MYO9B: variants seen among roughly 807,000 people sequenced by gnomAD.
The protein encoded by MYO9B is unconventional myosin-IXb.
MYO9B carries 71 observed loss-of-function variants against 229.5 expected under a neutral mutation model. The observed-to-expected ratio is 0.31, with a 90% CI of 0.26 to 0.38. MYO9B has a LOEUF of 0.38. Among genes scored for constraint, MYO9B ranks in the 10% least tolerant of loss-of-function variants. The pLI is 1.00. For synonymous variants in MYO9B, 1,185 were observed against 1,235.8 expected (o/e 0.96, Z 0.86); for missense variants, 2,255 against 2,920.5 (o/e 0.77, Z 5.25).
intron 2 of MYO9B, among the ~76,000 whole-genome samples, chr19:17,108,074 A>T (rs1459418356): frequency 6.6e-6 from 1 of 152,052 alleles, no homozygotes; most frequent in Non-Finnish European, 1.5e-5. Flanking sequence ...TCCTCCCCGG[A>T]TGCCAGCAAA....
intron 14 of MYO9B, among the ~76,000 whole-genome samples, chr19:17,178,720 G>A (rs113233504): frequency 1.1e-3 from 170 of 152,152 alleles, no homozygotes; most frequent in African/African-American, 4.0e-3. Context: ...GTGCTTTGAG[G>A]GTAATTATCC....
chr19:17,208,463 A>T (rs189474600), intron 35 of MYO9B, among the ~76,000 whole-genome samples: 1 of 146,962 alleles, frequency 6.8e-6, no homozygotes, highest in African/African-American at 2.5e-5. Flanking sequence ...ACGGAGTCTC[A>T]CTCTGTCTCC....
intron 6 of MYO9B, 89 bp downstream of exon 6, chr19:17,154,504 A>G: frequency 3.0e-6 from 3 of 984,004 alleles, no homozygotes; most frequent in Non-Finnish European, 4.5e-6. Context: ...CTAACCTGCA[A>G]CCCAGTGAAA....
chr19:17,191,159 C>G lies in MYO9B; in HGVS notation c.2751C>G (p.Ile917Met). 2 of 1,612,434 alleles carry G rather than the reference C, an allele frequency of 1.2e-6. No homozygotes were observed. The highest frequency in any genetic ancestry group is 1.7e-6 in the Non-Finnish European group (2 of 1,179,134). Residue 917 changes from isoleucine to methionine, a missense_variant, in exon 20 of 40, where the codon ATC becomes ATG. This residue lies in a region of MYO9B where 679 missense variants were observed against 770.2 expected (regional missense o/e 0.88). Coordinates refer to ENST00000682292, the MANE Select transcript of MYO9B (RefSeq NM_004145.4). ...PKDAQPCREV[I>M]STLLEKMKID... ...ATGCCCAGCCCTGCAGGGAGGTCAT[C>G]TCCACCCTCCTGGAGAAAATGAAGA...
At position 17,087,141 on chromosome 19, in the gene MYO9B, A is replaced by C. The variant is rs527792926; in HGVS notation, c.-59+11267A>C. ...CATTTGTTAACCATATGTTGAAAGA[A>C]GGCAGCCTCCTCTGAAACATCAGCA... On this transcript the variant is annotated intron_variant, in intron 1 of 39. Transcript: ENST00000682292. Among the ~76,000 whole-genome samples the C allele has an allele frequency of 7.2e-5, 11 of 152,304 alleles. No individual in the cohort carries two copies. The South Asian group carries it at 2.3e-3, about 32-fold the overall frequency.
At chr19:17,076,503 C>T (rs923082633) in intron 1 of MYO9B, among the ~76,000 whole-genome samples, 2 of 151,924 alleles carry the variant, frequency 1.3e-5, no homozygotes, top group East Asian at 1.9e-4. Flanking sequence ...AGGGAGGGCC[C>T]GGAGAGGAGG....
chr19:17,090,055 C>A (rs951284813), intron 1 of MYO9B, among the ~76,000 whole-genome samples: 2 of 146,270 alleles, frequency 1.4e-5, no homozygotes, highest in African/African-American at 5.1e-5. Context: ...TGTCTGACTT[C>A]TCTCACTCAG....
intron 2 of MYO9B, among the ~76,000 whole-genome samples, chr19:17,119,845 T>C (rs2145120255): frequency 1.3e-5 from 2 of 152,230 alleles, no homozygotes; most frequent in South Asian, 4.1e-4. Context: ...AGATGGGGTT[T>C]CACCATGTTA....
chr19:17,138,956 G>C lies in MYO9B; in HGVS notation c.841-6441G>C, dbSNP rs905728564. ...GGAGGCCAAGGCAGGTGGATCATCT[G>C]AGGTCAGGAGTTCAAGACCAGCCTG... On this transcript the variant is annotated intron_variant, in intron 2 of 39. Coordinates refer to ENST00000682292, the MANE Select transcript of MYO9B (RefSeq NM_004145.4). 6.6e-5 allele frequency among the ~76,000 whole-genome samples: 10 copies of C among 152,154 alleles called. 1 individual carries two copies. Among genetic ancestry groups the C allele is most frequent in the Admixed American group, 6.6e-4 (10 of 15,258 alleles).
chr19:17,166,109 C>A (rs1372921384), intron 10 of MYO9B, among the ~76,000 whole-genome samples: 4 of 152,030 alleles, frequency 2.6e-5, no homozygotes, highest in Non-Finnish European at 5.9e-5. Flanking sequence ...ATGGTGCAAT[C>A]TCGGTTCACT....
intron 1 of MYO9B, among the ~76,000 whole-genome samples, chr19:17,082,831 A>G (rs2057545534): frequency 6.6e-6 from 1 of 151,962 alleles, no homozygotes; most frequent in Non-Finnish European, 1.5e-5. Flanking sequence ...TTAGCAGGGA[A>G]GGGAGAAGGT....
chr19:17,156,208 C>G (rs2072535923), intron 6 of MYO9B, among the ~76,000 whole-genome samples: 1 of 151,974 alleles, frequency 6.6e-6, no homozygotes, highest in Non-Finnish European at 1.5e-5. Flanking sequence ...ATTTCTTGGT[C>G]TGGGGGCTAG....
intron 11 of MYO9B, among the ~76,000 whole-genome samples, chr19:17,170,811 A>T (rs1175263142): frequency 1.4e-5 from 2 of 142,482 alleles, no homozygotes; most frequent in Non-Finnish European, 3.0e-5. Flanking sequence ...GCAACAGAGC[A>T]AGACCCCAGC....
At chr19:17,134,163 A>G (rs928188271) in intron 2 of MYO9B, among the ~76,000 whole-genome samples, 3 of 152,090 alleles carry the variant, frequency 2.0e-5, no homozygotes, top group East Asian at 1.9e-4. Context: ...TAAAATACCC[A>G]TCACTCAAAT....
At chr19:17,176,759 A>G (rs1207862919) in intron 14 of MYO9B, among the ~76,000 whole-genome samples, 1 of 152,168 alleles carries the variant, frequency 6.6e-6, no homozygotes, top group Non-Finnish European at 1.5e-5. Context: ...GAGTGGCCCA[A>G]AAGTAGTTCT....
intron 2 of MYO9B, among the ~76,000 whole-genome samples, chr19:17,134,529 T>C (rs895298861): frequency 2.0e-5 from 3 of 151,768 alleles, no homozygotes; most frequent in African/African-American, 7.2e-5. Context: ...GTAGCTGGGA[T>C]TATAGGAGCC....
Position 17,200,732 on chromosome 19 carries a change from G to T in MYO9B, c.4466G>T (p.Gly1489Val). The T allele has an allele frequency of 6.2e-7, 1 of 1,614,056 alleles. No homozygotes were observed. Among genetic ancestry groups the T allele is most frequent in the Non-Finnish European group, 8.5e-7 (1 of 1,179,904 alleles). The stretch of plus-strand genomic sequence containing the variant: ...AAGAAGAACCGAAATGTCAAGATTG[G>T]GAAGATCACAGTGTCAGAGAAGTGG... ...KGKKNRNVKI[G>V]KITVSEKWRE... The change falls in exon 26 of 40, where the codon GGG becomes GTG. Residue 1489 changes from glycine to valine, a missense_variant. Physicochemically the swap from Gly to Val is moderately radical, Grantham distance 109 (BLOSUM62 -3). Transcript: ENST00000682292.
chr19:17,156,241 T>C (rs1340571030), intron 6 of MYO9B, among the ~76,000 whole-genome samples: 2 of 151,852 alleles, frequency 1.3e-5, no homozygotes, highest in African/African-American at 4.8e-5. Context: ...GTACACTTCT[T>C]TTTTCTTTTG....
At position 17,193,857 on chromosome 19, in the gene MYO9B, G is replaced by C. The variant is rs1158564541; in HGVS notation, c.3129-699G>C. The stretch of plus-strand genomic sequence containing the variant: ...CACACCACTGCACTCCAGCCTAAGT[G>C]ACAGAGCCAGACACTGTCTCTAAAA... On this transcript the variant is annotated intron_variant, in intron 21 of 39. Transcript: ENST00000682292. The surrounding 1 kb of genome is among the most constrained non-coding windows in gnomAD (Gnocchi z 4.3). Among the ~76,000 whole-genome samples the C allele has an allele frequency of 6.6e-6, 1 of 152,080 alleles. No individual in the cohort carries two copies. Among genetic ancestry groups the C allele is most frequent in the African/African-American group, 2.4e-5 (1 of 41,410 alleles).
Sources: gnomAD v4.1 joint callset for allele counts (sites outside exome capture counted in the v4.1 genomes callset) on GRCh38, gnomAD v4.1.1 for gene constraint, gnomAD v4.1.1 regional missense constraint, Gnocchi (gnomAD v3.1) non-coding constraint, MANE v1.5 for transcripts, NCBI Gene and HGNC (gene_info 2026-07-23, HGNC 2026-07-21) for gene names.